EFNA5: variants seen among roughly 807,000 people sequenced by gnomAD.
EFNA5 encodes the protein ephrin-A5.
EFNA5 carries 5 observed loss-of-function variants against 22.9 expected under a neutral mutation model. The observed-to-expected ratio is 0.22, with a 90% CI of 0.11 to 0.46. The LOEUF is 0.46. Among genes scored for constraint, EFNA5 ranks in the 20% least tolerant of loss-of-function variants. The pLI is 0.99. For missense variants in EFNA5, 237 were observed against 293.3 expected (o/e 0.81, Z 1.40); for synonymous variants, 113 against 112.2 (o/e 1.01, Z -0.04).
chr5:107,421,350 T>C (rs1748660271), intron 2 of EFNA5, among the ~76,000 whole-genome samples: 1 of 152,218 alleles, frequency 6.6e-6, no homozygotes, highest in South Asian at 2.1e-4. Flanking sequence ...TCTTTTAGTA[T>C]CATTTTCAGA....
At chr5:107,589,682 T>G (rs1749276545) in intron 1 of EFNA5, among the ~76,000 whole-genome samples, 1 of 152,158 alleles carries the variant, frequency 6.6e-6, no homozygotes, top group Admixed American at 6.5e-5. Flanking sequence ...TATTTTATCA[T>G]CATCATAAGA....
At position 107,604,320 on chromosome 5, in the gene EFNA5, T is replaced by C. The variant is rs531211586; in HGVS notation, c.125+66169A>G. Among the ~76,000 whole-genome samples, 10 of 151,952 alleles carry C rather than the reference T, an allele frequency of 6.6e-5. 3 individuals carry two copies. The highest frequency in any genetic ancestry group is 2.4e-4 in the African/African-American group (10 of 41,538). On this transcript the variant is annotated intron_variant, in intron 1 of 4. Transcript: ENST00000333274. ...TCAGCCTCCCGAGTAGCTGGGACCA[T>C]GTATGGGCTTGCACCTGGCTCTGAT...
At chr5:107,482,826 G>GTCTC (rs1161742136) in intron 1 of EFNA5, among the ~76,000 whole-genome samples, 12 of 64,978 alleles carry the variant, frequency 1.8e-4, no homozygotes, top group African/African-American at 6.0e-4. Context: ...CTCTCTCTCT[G>GTCTC]TCTCTGTCTC....
intron 1 of EFNA5, among the ~76,000 whole-genome samples, chr5:107,452,835 C>A (rs1316780420): frequency 1.3e-5 from 2 of 152,102 alleles, no homozygotes; most frequent in Non-Finnish European, 2.9e-5. Flanking sequence ...ACATTACATA[C>A]CTAGGAAAAC....
intron 1 of EFNA5, among the ~76,000 whole-genome samples, chr5:107,542,495 C>T (rs1483979121): frequency 6.6e-6 from 1 of 151,482 alleles, no homozygotes; most frequent in Non-Finnish European, 1.5e-5. Context: ...CTGCCGCCTG[C>T]ATGCAGGCTG....
At chr5:107,527,451 T>C (rs1278919039) in intron 1 of EFNA5, among the ~76,000 whole-genome samples, 1 of 151,934 alleles carries the variant, frequency 6.6e-6, no homozygotes, top group Non-Finnish European at 1.5e-5. Flanking sequence ...CATGCCCAGC[T>C]AATTTTTGTA....
At chr5:107,581,486 A>C (rs1749072534) in intron 1 of EFNA5, among the ~76,000 whole-genome samples, 1 of 152,210 alleles carries the variant, frequency 6.6e-6, no homozygotes, top group African/African-American at 2.4e-5. Flanking sequence ...TATCTGATTA[A>C]GCTGCAGGCC....
intron 1 of EFNA5, among the ~76,000 whole-genome samples, chr5:107,657,447 C>T (rs900398769): frequency 1.8e-4 from 28 of 152,210 alleles, no homozygotes; most frequent in African/African-American, 6.5e-4. Context: ...CCCTCGTTTA[C>T]ACCACAGTGA....
chr5:107,561,285 A>C (rs1561433450), intron 1 of EFNA5, among the ~76,000 whole-genome samples: 2 of 152,214 alleles, frequency 1.3e-5, no homozygotes, highest in Admixed American at 6.5e-5. Flanking sequence ...TAAAATTCAA[A>C]ATAAACTCTG....
At chr5:107,656,007 C>G (rs1750813683) in intron 1 of EFNA5, among the ~76,000 whole-genome samples, 2 of 152,098 alleles carry the variant, frequency 1.3e-5, no homozygotes, top group Admixed American at 6.6e-5. Context: ...ATCCAAGGAT[C>G]CCAGGGACAG....
intron 1 of EFNA5, among the ~76,000 whole-genome samples, chr5:107,580,250 T>A (rs1749014847): frequency 6.6e-6 from 1 of 152,170 alleles, no homozygotes; most frequent in Non-Finnish European, 1.5e-5. Flanking sequence ...TAGAGAACAT[T>A]TTTATAATAT....
intron 1 of EFNA5, among the ~76,000 whole-genome samples, chr5:107,661,322 A>C (rs1750955464): frequency 6.6e-6 from 1 of 152,222 alleles, no homozygotes; most frequent in South Asian, 2.1e-4. Flanking sequence ...GCTCTGTCTG[A>C]GCCAAAGAAA....
rs1380174560 is a variant in EFNA5 at position 107,379,654 on chromosome 5, A to T, written c.*1601T>A. ...TCATGACAGCCCCACCACCAGTAGA[A>T]ACCCCAAGGCTTGCATTTCCTGGTA... On this transcript the variant is annotated 3_prime_UTR_variant, in exon 5 of 5. Transcript: ENST00000333274. 1 of 151,958 alleles carries T rather than the reference A, an allele frequency of 6.6e-6. No homozygotes were observed. Among genetic ancestry groups the T allele is most frequent in the Admixed American group, 6.6e-5 (1 of 15,258 alleles). The allele number at this position is 151,958 out of a possible 1,614,324, so 9.4% of individuals were successfully genotyped here.
rs1041948118 is a variant in EFNA5, at chr5:107,493,302, C to T, written c.126-65793G>A. Among the ~76,000 whole-genome samples the T allele has an allele frequency of 2.6e-5, 4 of 151,810 alleles. No homozygotes were observed. In the East Asian group the frequency reaches 5.8e-4, roughly 22 times the overall value. On this transcript the variant is annotated intron_variant, in intron 1 of 4. Coordinates refer to ENST00000333274, the MANE Select transcript of EFNA5 (RefSeq NM_001962.3). ...CTTTGTTCTCTCTCCCTTCAGCCAA[C>T]CCCTAAGGCATATTTTATCTCTAGA...
At chr5:107,663,011 A>G (rs1046020034) in intron 1 of EFNA5, among the ~76,000 whole-genome samples, 3 of 152,132 alleles carry the variant, frequency 2.0e-5, no homozygotes, top group Non-Finnish European at 2.9e-5. Flanking sequence ...TAAGCATATT[A>G]TTACTAAGTT....
At chr5:107,397,403 G>A (rs901648508) in intron 2 of EFNA5, among the ~76,000 whole-genome samples, 1 of 152,092 alleles carries the variant, frequency 6.6e-6, no homozygotes, top group African/African-American at 2.4e-5. Flanking sequence ...ACAAAAATTG[G>A]TGGGGCGTGG....
chr5:107,606,382 A>T (rs1473480995), intron 1 of EFNA5, among the ~76,000 whole-genome samples: 1 of 152,134 alleles, frequency 6.6e-6, no homozygotes, highest in African/African-American at 2.4e-5. Context: ...CTACTGGGTG[A>T]ATGAGTACAT....
chr5:107,580,734 AAAAAAAGAAAAG>A (rs1164060390), intron 1 of EFNA5, among the ~76,000 whole-genome samples: 9 of 149,438 alleles, frequency 6.0e-5, no homozygotes, highest in African/African-American at 2.0e-4. Context: ...AAAAAAAAAA[AAAAAAAGAAAAG>A]AAAAGAAAAG....
intron 1 of EFNA5, among the ~76,000 whole-genome samples, chr5:107,478,778 T>C (rs1750377552): frequency 6.6e-6 from 1 of 152,194 alleles, no homozygotes; most frequent in African/African-American, 2.4e-5. Flanking sequence ...TTTTGTAAAA[T>C]GATTATTTTC....
Sources: gnomAD v4.1 joint callset for allele counts (sites outside exome capture counted in the v4.1 genomes callset) on GRCh38, gnomAD v4.1.1 for gene constraint, MANE v1.5 for transcripts, NCBI Gene and HGNC (gene_info 2026-07-23, HGNC 2026-07-21) for gene names.